MAGEC3: variants seen among roughly 807,000 people sequenced by gnomAD.
MAGEC3 encodes melanoma-associated antigen C3.
In MAGEC3, 34 loss-of-function variants were observed where a neutral mutation model predicts 35.3. The observed-to-expected ratio is 0.96, with a 90% CI of 0.73 to 1.28. The LOEUF is 1.28. Ranked by LOEUF, MAGEC3 falls within the 50% of genes most tolerant of loss-of-function variation. The pLI is 0.00. For synonymous variants in MAGEC3, 202 were observed against 185.6 expected (o/e 1.09, Z -0.72); for missense variants, 561 against 483.6 (o/e 1.16, Z -1.50).
Position 141,879,340 on chromosome X carries a change from G to A in MAGEC3, c.424G>A (p.Asp142Asn). The A allele has an allele frequency of 8.3e-7, 1 of 1,202,102 alleles. No homozygotes were observed. Among genetic ancestry groups the A allele is most frequent in the Non-Finnish European group, 1.1e-6 (1 of 890,516 alleles). ...GAAGAGAACTCTGTGGAAGGACAGTGACCTTCCAACATGGAGGAGAGGCAC... is the reference window on the plus strand; with the variant it reads ...GAAGAGAACTCTGTGGAAGGACAGTAACCTTCCAACATGGAGGAGAGGCAC... ...NEKRTLWKDS[D>N]LPTWRRGTGY... Residue 142 changes from aspartate (D) to asparagine (N), a missense_variant, in exon 3 of 8, where the codon GAC becomes AAC. Coordinates refer to ENST00000298296, the MANE Select transcript of MAGEC3 (RefSeq NM_138702.1).
At chrX:141,843,338 G>A (rs989961464) in intron 1 of MAGEC3, among the ~76,000 whole-genome samples, 2 of 111,363 alleles carry the variant, frequency 1.8e-5, no homozygotes, top group Non-Finnish European at 3.8e-5. Flanking sequence ...CTACTAGGCC[G>A]GAGTACATCT....
chrX:141,858,011 G>A (rs2017792075), intron 1 of MAGEC3, among the ~76,000 whole-genome samples: 1 of 110,951 alleles, frequency 9.0e-6, no homozygotes, highest in Admixed American at 9.6e-5. Context: ...GTGATGGCCA[G>A]CATTAATTTA....
intron 1 of MAGEC3, among the ~76,000 whole-genome samples, chrX:141,846,212 T>TG (rs1340151743): frequency 9.2e-6 from 1 of 109,230 alleles, no homozygotes; most frequent in Non-Finnish European, 1.9e-5. Flanking sequence ...CAGTGTTTTT[T>TG]TTTTTTTTTA....
chrX:141,876,636 C>T (rs1389905766), intron 2 of MAGEC3, among the ~76,000 whole-genome samples: 2 of 111,858 alleles, frequency 1.8e-5, no homozygotes, highest in Non-Finnish European at 3.8e-5. Flanking sequence ...CTAAGAATGT[C>T]TGTGTATTTC....
At chrX:141,882,711 G>T (rs1461366757) in intron 4 of MAGEC3, among the ~76,000 whole-genome samples, 2 of 112,151 alleles carry the variant, frequency 1.8e-5, no homozygotes, top group African/African-American at 6.5e-5. Flanking sequence ...GTGAGCATTT[G>T]CTTGCGGAGG....
intron 4 of MAGEC3, among the ~76,000 whole-genome samples, chrX:141,882,379 T>A (rs1039405815): frequency 7.1e-5 from 8 of 112,151 alleles, no homozygotes; most frequent in African/African-American, 2.6e-4. Flanking sequence ...CACACATATA[T>A]TGCTGTTTAT....
In MAGEC3 at chrX:141,865,477, A is replaced by C; in HGVS notation, c.130A>C (p.Lys44Gln). 8.3e-7 allele frequency: 1 copy of C among 1,201,073 alleles called. No homozygotes were observed. The highest frequency in any genetic ancestry group is 1.1e-6 in the Non-Finnish European group (1 of 889,420). Residue 44 changes from lysine (K) to glutamine (Q), a missense_variant, in exon 2 of 8, where the codon AAA (lysine) becomes CAA (glutamine). Coordinates refer to ENST00000298296, the MANE Select transcript of MAGEC3 (RefSeq NM_138702.1). ...TGATATTTGACCTGAGTAGCCCCGGAAAAAGGCCACAGATAAGGACTATTC... is the reference window on the plus strand; with the variant it reads ...TGATATTTGACCTGAGTAGCCCCGGCAAAAGGCCACAGATAAGGACTATTC... ...VVLPPQPQPRKKATDKDYSAF... is the reference protein window; with the variant it reads ...VVLPPQPQPRQKATDKDYSAF...
chrX:141,897,776 A>G lies in MAGEC3; in HGVS notation c.1876A>G (p.Thr626Ala), dbSNP rs1402159482. The change falls in exon 8 of 8, where the codon ACT (threonine) becomes GCT (alanine). Residue 626 changes from threonine (T) to alanine (A), a missense_variant. Thr to Ala is a moderately conservative substitution (Grantham distance 58). Coordinates refer to ENST00000298296, the MANE Select transcript of MAGEC3 (RefSeq NM_138702.1). ...QAIIDTTDDATAMASASPSVM... is the reference protein window; with the variant it reads ...QAIIDTTDDAAAMASASPSVM... ...CATAATTGACACCACAGATGATGCT[A>G]CTGCCATGGCCAGTGCAAGCCCCAG... 2.5e-6 allele frequency: 3 copies of G among 1,207,301 alleles called. No homozygotes were observed. The highest frequency in any genetic ancestry group is 3.4e-6 in the Non-Finnish European group (3 of 894,092).
chrX:141,861,943 T>C lies in MAGEC3; in HGVS notation c.124-3528T>C, dbSNP rs1010908854. Among the ~76,000 whole-genome samples, 15 of 111,697 alleles carry C rather than the reference T, an allele frequency of 1.3e-4. 1 individual carries two copies. Among genetic ancestry groups the C allele is most frequent in the African/African-American group, 4.6e-4 (14 of 30,730 alleles). ...CAAAAATAGGCAAATGGGACTATAT[T>C]ACACTAAAAAGTTTCTGCTCAGCAA... On this transcript the variant is annotated intron_variant, in intron 1 of 7. Transcript: ENST00000298296.
intron 4 of MAGEC3, among the ~76,000 whole-genome samples, chrX:141,887,722 C>G (rs777188514): frequency 3.6e-5 from 4 of 111,995 alleles, no homozygotes; most frequent in Non-Finnish European, 7.5e-5. Flanking sequence ...GCCACTTGGG[C>G]CATATGATCC....
intron 2 of MAGEC3, among the ~76,000 whole-genome samples, chrX:141,867,966 CA>C (rs1169358927): frequency 9.1e-6 from 1 of 110,253 alleles, no homozygotes; most frequent in Non-Finnish European, 1.9e-5. Flanking sequence ...ACTAAAAATA[CA>C]AAAAAATTAG....
At chrX:141,857,533 C>T (rs1034969578) in intron 1 of MAGEC3, among the ~76,000 whole-genome samples, 7 of 111,379 alleles carry the variant, frequency 6.3e-5, no homozygotes, top group African/African-American at 2.3e-4. Flanking sequence ...GTATCCCCTG[C>T]TGTAACTCCC....
chrX:141,886,369 C>A (rs766912126), intron 4 of MAGEC3, among the ~76,000 whole-genome samples: 24 of 111,041 alleles, frequency 2.2e-4, no homozygotes, highest in Non-Finnish European at 4.2e-4. Context: ...GAGGCTGGGT[C>A]CCCTTGAGGA....
intron 1 of MAGEC3, among the ~76,000 whole-genome samples, chrX:141,861,188 G>A (rs1179113117): frequency 1.8e-5 from 2 of 110,701 alleles, no homozygotes; most frequent in African/African-American, 6.6e-5. Context: ...TAGATACACT[G>A]AATTGAAAGG....
Position 141,897,244 on chromosome X carries a change from A to G in MAGEC3, c.1486A>G (p.Met496Val). 2 of 1,211,772 alleles carry G rather than the reference A, an allele frequency of 1.7e-6. No individual in the cohort carries two copies. Among genetic ancestry groups the G allele is most frequent in the South Asian group, 3.5e-5 (2 of 56,975 alleles). The change falls in exon 7 of 8, where the codon ATG (methionine) becomes GTG (valine). Residue 496 changes from methionine to valine, a missense_variant. Coordinates refer to ENST00000298296, the MANE Select transcript of MAGEC3 (RefSeq NM_138702.1). Reference protein sequence around the residue: ...VIKKYKDYFPMIFGKAHEFIE... With the variant: ...VIKKYKDYFPVIFGKAHEFIE... Reference sequence around the variant, plus strand: ...CAAGAAGTATAAGGACTATTTTCCCATGATCTTCGGGAAAGCCCATGAGTT... The same window carrying G: ...CAAGAAGTATAAGGACTATTTTCCCGTGATCTTCGGGAAAGCCCATGAGTT...
Position 141,879,296 on chromosome X carries a change from A to G in MAGEC3, c.380A>G (p.Gln127Arg), listed in dbSNP as rs1289550454. 1.7e-6 allele frequency: 2 copies of G among 1,207,067 alleles called. No homozygotes were observed. Among genetic ancestry groups the G allele is most frequent in the South Asian group, 3.6e-5 (2 of 55,809 alleles). The change falls in exon 3 of 8, where the codon CAG becomes CGG. Residue 127 changes from glutamine (Q) to arginine (R), a missense_variant. Coordinates refer to ENST00000298296, the MANE Select transcript of MAGEC3 (RefSeq NM_138702.1). The stretch of plus-strand genomic sequence containing the variant: ...TCAGTTAAGCAGAGGGAGGAACCCC[A>G]GGACTGGCCACTCAACGAGAAGAGA... ...AVSVKQREEPQDWPLNEKRTL... is the reference protein window; with the variant it reads ...AVSVKQREEPRDWPLNEKRTL...
At chrX:141,859,964 C>A (rs1300087516) in intron 1 of MAGEC3, among the ~76,000 whole-genome samples, 3 of 112,115 alleles carry the variant, frequency 2.7e-5, no homozygotes, top group Non-Finnish European at 5.6e-5. Flanking sequence ...TTCCCTCCTA[C>A]CACTTAGTTT....
chrX:141,849,891 G>A (rs749524225), intron 1 of MAGEC3, among the ~76,000 whole-genome samples: 1 of 111,298 alleles, frequency 9.0e-6, no homozygotes, highest in Non-Finnish European at 1.9e-5. Context: ...CAAAGGAATA[G>A]AAATTATTCT....
chrX:141,877,914 G>A (rs1317748904), intron 2 of MAGEC3, among the ~76,000 whole-genome samples: 4 of 111,632 alleles, frequency 3.6e-5, no homozygotes. Context: ...AAACTAATGA[G>A]CCAGTATTTG....
Sources: allele counts gnomAD v4.1 joint callset (sites outside exome capture counted in the v4.1 genomes callset), GRCh38; gene constraint gnomAD v4.1.1; transcripts MANE v1.5; gene names NCBI Gene and HGNC (gene_info 2026-07-23, HGNC 2026-07-21).